Variants in AGBL2 observed in about 807,000 individuals in gnomAD.
The protein encoded by AGBL2 is AGBL carboxypeptidase 2.
Under a neutral mutation model 103.0 loss-of-function variants are expected in AGBL2, and 87 were observed. The observed-to-expected ratio is 0.84, with a 90% confidence interval of 0.71 to 1.01. The LOEUF is 1.01. Among genes scored for constraint, AGBL2 ranks in the 50% least tolerant of loss-of-function variants. AGBL2 has a pLI of 0.00. For missense variants in AGBL2, 904 were observed against 1,023.5 expected, an observed-to-expected ratio of 0.88 and a Z score of 1.59; for synonymous variants, 335 against 356.7, an observed-to-expected ratio of 0.94 and a Z score of 0.69.
chr11:47,668,208 C>CAAAAAA (rs34571219), intron 15 of AGBL2, among the ~76,000 whole-genome samples: 1 of 95,150 alleles, frequency 1.1e-5, no homozygotes. Context: ...GACTCCATCT[C>CAAAAAA]AAAAAAAAAA....
chr11:47,704,932 T>A (rs536507588), intron 6 of AGBL2, among the ~76,000 whole-genome samples: 1 of 152,336 alleles, frequency 6.6e-6, no homozygotes, highest in Admixed American at 6.5e-5. Flanking sequence ...CTGCACAGTC[T>A]ATTAAATGTT....
chr11:47,683,365 C>CA (rs573020576), intron 11 of AGBL2, among the ~76,000 whole-genome samples: 18 of 151,688 alleles, frequency 1.2e-4, no homozygotes, highest in African/African-American at 4.4e-4. Flanking sequence ...GAGCGAGACT[C>CA]AAAAAACAAA....
intron 14 of AGBL2, among the ~76,000 whole-genome samples, chr11:47,676,305 T>A (rs1372518845): frequency 6.6e-6 from 1 of 152,102 alleles, no homozygotes; most frequent in Non-Finnish European, 1.5e-5. Flanking sequence ...TGTTTATAAT[T>A]TCAAAATATA....
At chr11:47,706,186 C>T (rs980389155) in intron 4 of AGBL2, among the ~76,000 whole-genome samples, 2 of 152,176 alleles carry the variant, frequency 1.3e-5, no homozygotes, top group African/African-American at 4.8e-5. Context: ...CTTTGGGAGG[C>T]CAAGGCGGGC....
At chr11:47,685,791 A>T in intron 11 of AGBL2, 102 bp downstream of exon 11, 1 of 1,265,074 alleles carries the variant, frequency 7.9e-7, no homozygotes, top group Non-Finnish European at 1.1e-6. Flanking sequence ...TACCAAAGAT[A>T]ATAAAAAGAG....
rs761295692 is a variant in AGBL2, at chr11:47,682,135, C to T, written c.1789-40G>A. 5 of 1,573,794 alleles carry T rather than the reference C, an allele frequency of 3.2e-6. No homozygotes were observed. The Admixed American group carries it at 6.8e-5, about 21-fold the overall frequency. On this transcript the variant is annotated intron_variant, in intron 11 of 18. Coordinates refer to ENST00000525123, the MANE Select transcript of AGBL2 (RefSeq NM_024783.4). ...AAATTTTCTGTTAATCATAAATCAG[C>T]AAATGTAAAATATCTAAGATTCATT...
chr11:47,666,042 G>A (rs2097340357), intron 17 of AGBL2, among the ~76,000 whole-genome samples: 1 of 151,886 alleles, frequency 6.6e-6, no homozygotes, highest in Admixed American at 6.6e-5. Context: ...CACACAAAGT[G>A]TTGGGCTTTC....
At chr11:47,713,066 C>T (rs944569144) in intron 3 of AGBL2, among the ~76,000 whole-genome samples, 4 of 146,554 alleles carry the variant, frequency 2.7e-5, no homozygotes, top group African/African-American at 1.0e-4. Flanking sequence ...ACACTGGGCG[C>T]GGTAAGCTCA....
In AGBL2 at chr11:47,704,737, G is replaced by A; in HGVS notation, c.401-9C>T. On this transcript the variant is annotated splice_polypyrimidine_tract_variant and intron_variant, in intron 6 of 18. Coordinates refer to ENST00000525123, the MANE Select transcript of AGBL2 (RefSeq NM_024783.4). ...ACTCAGCATATGTGAATCTGCCAAA[G>A]GGAAAGAGAGTAAGTGAACATCTTC... 1 of 1,610,902 alleles carries A rather than the reference G, an allele frequency of 6.2e-7. No individual in the cohort carries two copies. The highest frequency in any genetic ancestry group is 1.3e-5 in the African/African-American group (1 of 74,976).
chr11:47,704,236 C>T (rs565172360), intron 7 of AGBL2, among the ~76,000 whole-genome samples: 2 of 152,174 alleles, frequency 1.3e-5, no homozygotes, highest in African/African-American at 4.8e-5. Context: ...AATCCCAGCA[C>T]TTTGGGAGGC....
chr11:47,708,499 A>C (rs1193430689), intron 4 of AGBL2, among the ~76,000 whole-genome samples: 1 of 151,348 alleles, frequency 6.6e-6, no homozygotes, highest in Non-Finnish European at 1.5e-5. Flanking sequence ...TATTTTTTCC[A>C]AAGAGAAGTT....
Position 47,705,647 on chromosome 11 carries a change from AAAAAAAAAAAG to A in AGBL2, c.287-24_287-14del. 1.7e-6 allele frequency: 1 copy of A among 577,406 alleles called. No individual in the cohort carries two copies. The highest frequency in any genetic ancestry group is 2.9e-5 in the East Asian group (1 of 34,710). The allele number at this position is 577,406 out of a possible 1,614,324, so 35.8% of individuals were successfully genotyped here. ...CAAGAGTGAAAGTCTGTGTCAAAAA[AAAAAAAAAAAG>A]AAAAAGAAAAAGAAGAAAGGGAATG... On this transcript the variant is annotated splice_polypyrimidine_tract_variant and intron_variant, in intron 5 of 18. Coordinates refer to ENST00000525123, the MANE Select transcript of AGBL2 (RefSeq NM_024783.4).
chr11:47,686,574 A>G (rs998880185), intron 10 of AGBL2, among the ~76,000 whole-genome samples: 3 of 147,980 alleles, frequency 2.0e-5, no homozygotes, highest in Non-Finnish European at 3.0e-5. Context: ...GTATTTGGAT[A>G]GTGGGGGTGG....
At chr11:47,706,325 G>C (rs922842581) in intron 4 of AGBL2, among the ~76,000 whole-genome samples, 21 of 152,088 alleles carry the variant, frequency 1.4e-4, no homozygotes, top group Admixed American at 2.0e-4. Flanking sequence ...GACCATCCTG[G>C]CTAACATGGT....
At chr11:47,669,220 G>A (rs570274431) in intron 14 of AGBL2, among the ~76,000 whole-genome samples, 7 of 152,150 alleles carry the variant, frequency 4.6e-5, no homozygotes, top group South Asian at 2.1e-4. Context: ...GGCTCATGCC[G>A]CCATGCCTGG....
At chr11:47,709,674 G>A (rs891895822) in intron 4 of AGBL2, among the ~76,000 whole-genome samples, 6 of 150,110 alleles carry the variant, frequency 4.0e-5, no homozygotes, top group East Asian at 1.9e-4. Context: ...CGCAACTTCC[G>A]CCTCCCAGGT....
intron 5 of AGBL2, 58 bp downstream of exon 5, chr11:47,705,806 T>A (rs1285465996): frequency 1.4e-6 from 2 of 1,480,444 alleles, no homozygotes; most frequent in Non-Finnish European, 1.9e-6. Flanking sequence ...CAGCAGGTGA[T>A]GAAGACATAG....
intron 10 of AGBL2, among the ~76,000 whole-genome samples, chr11:47,688,102 C>T (rs2097431360): frequency 6.6e-6 from 1 of 152,132 alleles, no homozygotes; most frequent in Non-Finnish European, 1.5e-5. Context: ...GCCACCACGC[C>T]TGGCCAGATA....
chr11:47,704,529 G>T lies in AGBL2; in HGVS notation c.586+14C>A. The T allele has an allele frequency of 6.3e-7, 1 of 1,583,126 alleles. No homozygotes were observed. The highest frequency in any genetic ancestry group is 1.1e-5 in the South Asian group (1 of 88,402). ...AGGCAGAATAGCAAGACCACTGTGA[G>T]TAAGTCATATTACCAATATGATGGA... is the stretch of plus-strand genomic sequence containing the variant. On this transcript the variant is annotated intron_variant, in intron 7 of 18. Transcript: ENST00000525123.
Sources: allele counts gnomAD v4.1 joint callset (sites outside exome capture counted in the v4.1 genomes callset), GRCh38; gene constraint gnomAD v4.1.1; transcripts MANE v1.5; gene names NCBI Gene and HGNC (gene_info 2026-07-23, HGNC 2026-07-21).